Variants in RUSF1 observed in about 807,000 individuals in gnomAD.
RUSF1 encodes the protein RUS family member 1, also known as RUS1 family protein C16orf58.
Under a neutral mutation model 63.0 loss-of-function variants are expected in RUSF1, and 58 were observed. The ratio of observed to expected loss-of-function variants is 0.92; its 90% CI spans 0.75 to 1.15. The LOEUF (loss-of-function observed/expected upper bound fraction) is 1.15. Ranked by LOEUF, RUSF1 falls within the 50% of genes most tolerant of loss-of-function variation. RUSF1 has a pLI of 0.00. For missense variants in RUSF1, 652 were observed against 611.0 expected (o/e 1.07, Z -0.71); for synonymous variants, 274 against 255.8 (o/e 1.07, Z -0.68).
At position 31,508,079 on chromosome 16, in the gene RUSF1, C is replaced by G; in HGVS notation, c.295G>C (p.Val99Leu). 1.2e-6 allele frequency: 2 copies of G among 1,602,746 alleles called. No homozygotes were observed. The highest frequency in any genetic ancestry group is 1.1e-5 in the South Asian group (1 of 89,058). ...DYLPYQLWDS[V>L]QAFASSLSGS... ...CCCCAGACGACCGAGCTGACCTGCA[C>G]GGAATCCCACAGCTGGTAGGGCAAG... Residue 99 changes from valine to leucine, a missense_variant, in exon 1 of 13, where the codon GTG (valine) becomes CTG (leucine). Transcript: ENST00000327237.
rs2082589155 is a variant in RUSF1, at chr16:31,493,933, T to C, written c.706A>G (p.Thr236Ala). Residue 236 changes from threonine (T) to alanine (A), a missense_variant, in exon 7 of 13, where the codon ACG (threonine) becomes GCG (alanine). Thr to Ala is a moderately conservative substitution (Grantham distance 58). Transcript: ENST00000327237. ...DVSAKDSSQE[T>A]LVNLAGLLVS... is the part of the protein sequence containing the mutation. ...AAGAGCCCCGCCAGGTTCACCAGCG[T>C]CTCCTGGAAAATGGCAGAGGGAGAA... is the stretch of plus-strand genomic sequence containing the variant. The C allele has an allele frequency of 6.2e-7, 1 of 1,613,922 alleles. No homozygotes were observed. The highest frequency in any genetic ancestry group is 8.5e-7 in the Non-Finnish European group (1 of 1,179,990).
At chr16:31,497,045 C>G in intron 5 of RUSF1, 95 bp from the exon 6 acceptor site, 1 of 948,518 alleles carries the variant, frequency 1.1e-6, no homozygotes, top group Non-Finnish European at 1.6e-6. Context: ...CCCGGCCAAA[C>G]TCTGAATGCT....
intron 2 of RUSF1, among the ~76,000 whole-genome samples, chr16:31,501,419 A>AC (rs1194263809): frequency 1.3e-5 from 2 of 151,994 alleles, no homozygotes; most frequent in South Asian, 2.1e-4. Context: ...ACACAGCAAG[A>AC]CCCCATCTCT....
At chr16:31,506,580 G>A (rs528357354) in intron 2 of RUSF1, among the ~76,000 whole-genome samples, 3 of 152,312 alleles carry the variant, frequency 2.0e-5, no homozygotes, top group Admixed American at 2.0e-4. Context: ...TCAGGAGTTC[G>A]AGACCAGCCT....
intron 12 of RUSF1, among the ~76,000 whole-genome samples, 169 bp from the exon 13 acceptor site, chr16:31,491,101 A>C (rs1434966657): frequency 6.6e-6 from 1 of 152,142 alleles, no homozygotes; most frequent in Non-Finnish European, 1.5e-5. Context: ...AATTCGTTGA[A>C]ATGGCACACA....
chr16:31,499,464 T>TCCCCGCC, intron 4 of RUSF1, 29 bp downstream of exon 4: 4 of 1,601,370 alleles, frequency 2.5e-6, no homozygotes, highest in Non-Finnish European at 3.4e-6. Context: ...AATGGAAGAC[T>TCCCCGCC]CCCCTCCCCC....
At position 31,507,880 on chromosome 16, in the gene RUSF1, T is replaced by C; in HGVS notation, c.301-2A>G. On this transcript the variant is annotated splice_acceptor_variant, in intron 1 of 12. Transcript: ENST00000327237. LOFTEE classifies it high-confidence loss of function. ...GCCGGAGAGGCTGGAAGCAAACGCCTGGAGAAGAAAACAAGTAGGGTGAGA... is the reference window on the plus strand; with the variant it reads ...GCCGGAGAGGCTGGAAGCAAACGCCCGGAGAAGAAAACAAGTAGGGTGAGA... The C allele has an allele frequency of 6.4e-7, 1 of 1,555,342 alleles. No individual in the cohort carries two copies. Among genetic ancestry groups the C allele is most frequent in the Non-Finnish European group, 8.7e-7 (1 of 1,148,938 alleles).
At chr16:31,491,784 G>GT (rs917765735) in intron 12 of RUSF1, among the ~76,000 whole-genome samples, 10 of 151,374 alleles carry the variant, frequency 6.6e-5, no homozygotes, top group East Asian at 1.9e-4. Flanking sequence ...TAATTTTTGT[G>GT]TTTTTTTTGT....
At position 31,499,541 on chromosome 16, in the gene RUSF1, GGTT is replaced by G; in HGVS notation, c.462-19_462-17del. ...CAGTTTGCTCCTGTTGGGGAGGAGA[GGTT>G]GTTGTAATTTGGACTTAAGGAGAAA... is the stretch of plus-strand genomic sequence containing the variant. On this transcript the variant is annotated splice_polypyrimidine_tract_variant and intron_variant, in intron 3 of 12. Transcript: ENST00000327237. The G allele has an allele frequency of 6.3e-7, 1 of 1,596,372 alleles. No individual in the cohort carries two copies. The highest frequency in any genetic ancestry group is 8.5e-7 in the Non-Finnish European group (1 of 1,171,166).
At position 31,489,999 on chromosome 16, in the gene RUSF1, C is replaced by T; in HGVS notation, c.*836G>A. The T allele has an allele frequency of 6.8e-7, 1 of 1,477,550 alleles. No individual in the cohort carries two copies. The highest frequency in any genetic ancestry group is 9.3e-7 in the Non-Finnish European group (1 of 1,073,054). 91.5% of individuals were successfully genotyped at this position (1,477,550 alleles called of 1,614,324 possible). ...GCCTGGGCTGGGTGTGTAGACTGGA[C>T]AGAGGTGGGTAGGGCAGGCAGTGAC... On this transcript the variant is annotated 3_prime_UTR_variant, in exon 13 of 13. Transcript: ENST00000327237.
chr16:31,494,256 C>T (rs550665130), intron 6 of RUSF1, among the ~76,000 whole-genome samples: 58 of 152,176 alleles, frequency 3.8e-4, no homozygotes, highest in Middle Eastern at 3.4e-3. Context: ...CATAGTGGCT[C>T]GCGCCTGTAA....
intron 9 of RUSF1, 139 bp downstream of exon 9, chr16:31,493,328 C>A: frequency 8.3e-7 from 1 of 1,201,138 alleles, no homozygotes; most frequent in Non-Finnish European, 1.2e-6. Context: ...CACACACCCA[C>A]ACCAACCCCA....
chr16:31,505,829 A>ACTGCTTCT (rs1363725085), intron 2 of RUSF1, among the ~76,000 whole-genome samples: 1 of 152,160 alleles, frequency 6.6e-6, no homozygotes, highest in African/African-American at 2.4e-5. Context: ...CTGTCCTTCA[A>ACTGCTTCT]CTGCTTCTAA....
intron 12 of RUSF1, 21 bp downstream of exon 12, chr16:31,491,988 C>T (rs780438340): frequency 6.2e-7 from 1 of 1,613,634 alleles, no homozygotes; most frequent in Non-Finnish European, 8.5e-7. Flanking sequence ...GGCCAAGCAG[C>T]CATGGGCTGA....
Position 31,489,549 on chromosome 16 carries a change from T to C in RUSF1, c.*1286A>G. On this transcript the variant is annotated 3_prime_UTR_variant, in exon 13 of 13. Coordinates refer to ENST00000327237, the MANE Select transcript of RUSF1 (RefSeq NM_022744.4). ...GGGAGGCTTGATGTTGATGGGTTGGTGATTAAAGCCTCCCAAAGCCAATCC... is the reference window on the plus strand; with the variant it reads ...GGGAGGCTTGATGTTGATGGGTTGGCGATTAAAGCCTCCCAAAGCCAATCC... 1.6e-6 allele frequency: 1 copy of C among 614,092 alleles called. No homozygotes were observed. Among genetic ancestry groups the C allele is most frequent in the South Asian group, 1.9e-5 (1 of 52,506 alleles). 38.0% of individuals were successfully genotyped at this position (614,092 alleles called of 1,614,324 possible).
At chr16:31,504,668 A>G (rs1306175082) in intron 2 of RUSF1, among the ~76,000 whole-genome samples, 2 of 152,250 alleles carry the variant, frequency 1.3e-5, no homozygotes, top group East Asian at 1.9e-4. Flanking sequence ...CAGTAGAAAC[A>G]GCCGATGGTG....
intron 2 of RUSF1, among the ~76,000 whole-genome samples, chr16:31,503,698 C>CG (rs1251972574): frequency 6.6e-6 from 1 of 152,160 alleles, no homozygotes; most frequent in Non-Finnish European, 1.5e-5. Flanking sequence ...GAGTTTCACT[C>CG]GTTGCCCAGG....
In RUSF1 at chr16:31,499,379, C is replaced by CTACG. The variant is rs2082620925; in HGVS notation, c.519_522dup (p.Ala175ArgfsTer6). 1 of 1,613,834 alleles carries CTACG rather than the reference C, an allele frequency of 6.2e-7. No homozygotes were observed. Among genetic ancestry groups the CTACG allele is most frequent in the Admixed American group, 1.7e-5 (1 of 59,988 alleles). On this transcript the variant is annotated frameshift_variant, in exon 5 of 13. Coordinates refer to ENST00000327237, the MANE Select transcript of RUSF1 (RefSeq NM_022744.4). LOFTEE classifies it high-confidence loss of function. ...GGAGCCATAATCTCAAGGAACATGG[C>CTACG]TACGTCATTGAGGATGTCCGCAAAA...
At chr16:31,499,851 G>A (rs1381567795) in intron 3 of RUSF1, among the ~76,000 whole-genome samples, 4 of 152,124 alleles carry the variant, frequency 2.6e-5, no homozygotes, top group East Asian at 3.9e-4. Flanking sequence ...GCCTCTCTCC[G>A]TTCTTCTTCT....
Sources: gnomAD v4.1 joint callset for allele counts (sites outside exome capture counted in the v4.1 genomes callset) on GRCh38, gnomAD v4.1.1 for gene constraint, MANE v1.5 for transcripts, NCBI Gene and HGNC (gene_info 2026-07-23, HGNC 2026-07-21) for gene names.